The following LINGO2 variants were observed in gnomAD, a reference collection of about 807,000 sequenced individuals.
LINGO2 encodes the protein leucine-rich repeat and immunoglobulin-like domain-containing nogo receptor-interacting protein 2.
A neutral mutation model predicts 30.6 loss-of-function variants in LINGO2; 14 were observed. The ratio of observed to expected loss-of-function variants is 0.46; its 90% CI spans 0.30 to 0.72. The LOEUF (loss-of-function observed/expected upper bound fraction) is 0.72, where lower values mean the gene tolerates loss of function less well. Among genes scored for constraint, LINGO2 ranks in the 30% least tolerant of loss-of-function variants. LINGO2 has a pLI of 0.07. For missense variants in LINGO2, 729 were observed against 751.7 expected, an observed-to-expected ratio of 0.97 and a Z score of 0.35; for synonymous variants, 317 against 288.5, an observed-to-expected ratio of 1.10 and a Z score of -1.00.
the LINGO2 span, among the ~76,000 whole-genome samples, chr9:29,175,697 T>G: frequency 6.6e-6 from 1 of 151,994 alleles, no homozygotes; most frequent in Non-Finnish European, 1.5e-5. Context: ...TGGCTAATTT[T>G]TGTATCTTTA....
chr9:28,233,491 T>G (rs1456815402), intron 4 of LINGO2, among the ~76,000 whole-genome samples: 1 of 149,496 alleles, frequency 6.7e-6, no homozygotes, highest in Admixed American at 6.6e-5. Flanking sequence ...TTTGAACACA[T>G]GCAAAAGCCT....
the LINGO2 span, among the ~76,000 whole-genome samples, chr9:28,747,284 A>C: frequency 6.6e-6 from 1 of 151,968 alleles, no homozygotes; most frequent in Non-Finnish European, 1.5e-5. Flanking sequence ...TGGCTACTGG[A>C]CAGCCCAACT....
intron 5 of LINGO2, among the ~76,000 whole-genome samples, chr9:27,995,401 G>T (rs1285101688): frequency 6.6e-6 from 1 of 152,070 alleles, no homozygotes; most frequent in African/African-American, 2.4e-5. Flanking sequence ...GCTTTACCCT[G>T]CTACCCAAAC....
At chr9:28,046,896 CTACTTTAA>C (rs1824446142) in intron 4 of LINGO2, among the ~76,000 whole-genome samples, 1 of 152,072 alleles carries the variant, frequency 6.6e-6, no homozygotes, top group Non-Finnish European at 1.5e-5. Flanking sequence ...CTGGATTTCA[CTACTTTAA>C]AGAAATTGTT....
At chr9:28,282,302 G>A (rs548598777) in intron 4 of LINGO2, among the ~76,000 whole-genome samples, 101 of 152,092 alleles carry the variant, frequency 6.6e-4, no homozygotes, top group African/African-American at 2.4e-3. Context: ...GATAAGTGAG[G>A]GTGAGACAAT....
chr9:28,522,637 A>G (rs1405778638), intron 1 of LINGO2, among the ~76,000 whole-genome samples: 1 of 152,234 alleles, frequency 6.6e-6, no homozygotes, highest in Non-Finnish European at 1.5e-5. Context: ...TAAATATTTA[A>G]AATCACAATT....
At chr9:29,206,939 C>T in the LINGO2 span, among the ~76,000 whole-genome samples, 10 of 151,940 alleles carry the variant, frequency 6.6e-5, no homozygotes, top group Non-Finnish European at 4.4e-5. Context: ...AAAACATTTG[C>T]AATCCATAAT....
intron 4 of LINGO2, among the ~76,000 whole-genome samples, chr9:28,243,546 C>G (rs892315962): frequency 6.6e-6 from 1 of 151,332 alleles, no homozygotes; most frequent in Non-Finnish European, 1.5e-5. Context: ...TCAGGATACC[C>G]ATCTCACGTG....
chr9:28,581,371 T>C (rs931845120), intron 1 of LINGO2, among the ~76,000 whole-genome samples: 1 of 151,854 alleles, frequency 6.6e-6, no homozygotes, highest in African/African-American at 2.4e-5. Context: ...AGTTACACAA[T>C]GACTGACTGC....
chr9:29,107,138 C>T, the LINGO2 span, among the ~76,000 whole-genome samples: 1 of 151,900 alleles, frequency 6.6e-6, no homozygotes, highest in Non-Finnish European at 1.5e-5. Context: ...AAAATTAAAC[C>T]CTGCTTTCAG....
At chr9:28,502,165 C>CAT (rs1809763218) in intron 1 of LINGO2, among the ~76,000 whole-genome samples, 1 of 140,190 alleles carries the variant, frequency 7.1e-6, no homozygotes, top group Non-Finnish European at 1.6e-5. Flanking sequence ...CACACACATA[C>CAT]ACACACACAC....
At chr9:28,565,723 T>C (rs1173098202) in intron 1 of LINGO2, among the ~76,000 whole-genome samples, 1 of 151,380 alleles carries the variant, frequency 6.6e-6, no homozygotes, top group Non-Finnish European at 1.5e-5. Context: ...ACCTAATTTT[T>C]TTTGTATTTT....
chr9:27,952,232 TATCTC>T (rs1819349650), intron 5 of LINGO2, among the ~76,000 whole-genome samples: 1 of 152,008 alleles, frequency 6.6e-6, no homozygotes, highest in African/African-American at 2.4e-5. Context: ...TTGTAAAAAT[TATCTC>T]AGTCATGGCA....
chr9:28,573,652 T>C (rs1823815509), intron 1 of LINGO2, among the ~76,000 whole-genome samples: 1 of 152,144 alleles, frequency 6.6e-6, no homozygotes, highest in Non-Finnish European at 1.5e-5. Context: ...GGAGCTAAAA[T>C]GGTATATGAG....
chr9:28,028,235 G>C (rs1823479386), intron 4 of LINGO2, among the ~76,000 whole-genome samples: 1 of 152,176 alleles, frequency 6.6e-6, no homozygotes, highest in African/African-American at 2.4e-5. Flanking sequence ...AACAGAATTA[G>C]AAGGCTTCAG....
At chr9:28,743,941 T>G in the LINGO2 span, among the ~76,000 whole-genome samples, 1 of 151,670 alleles carries the variant, frequency 6.6e-6, no homozygotes, top group Non-Finnish European at 1.5e-5. Context: ...CTGCTACATG[T>G]ATGTTGGTGT....
chr9:28,871,710 A>G, the LINGO2 span, among the ~76,000 whole-genome samples: 5 of 152,084 alleles, frequency 3.3e-5, no homozygotes, highest in South Asian at 2.1e-4. Flanking sequence ...TACTGAAAAC[A>G]CTACATAAGG....
intron 3 of LINGO2, among the ~76,000 whole-genome samples, chr9:28,312,431 T>G (rs1206001822): frequency 2.0e-5 from 3 of 151,978 alleles, no homozygotes; most frequent in Non-Finnish European, 2.9e-5. Context: ...ATTAAAATTT[T>G]CAGGAAAAAA....
chr9:28,924,783 G>A, the LINGO2 span, among the ~76,000 whole-genome samples: 5 of 152,146 alleles, frequency 3.3e-5, no homozygotes, highest in Admixed American at 6.6e-5. Flanking sequence ...TTATGTGTCC[G>A]ATGTCAGGTG....
Sources: allele counts gnomAD v4.1 joint callset (sites outside exome capture counted in the v4.1 genomes callset), GRCh38; gene constraint gnomAD v4.1.1; transcripts MANE v1.5; gene names NCBI Gene and HGNC (gene_info 2026-07-23, HGNC 2026-07-21).